Variants in WDR97 observed in about 807,000 individuals in gnomAD.
WDR97 encodes the protein WD repeat domain 97, also known as WD repeat-containing protein 97.
A neutral mutation model predicts 65.4 loss-of-function variants in WDR97; 111 were observed. The ratio of observed to expected loss-of-function variants is 1.70; its 90% CI spans 1.45 to 1.99. WDR97 has a LOEUF of 1.99. Among genes scored for constraint, WDR97 ranks in the 30% most tolerant of loss-of-function variants. WDR97 has a pLI of 0.00. For missense variants in WDR97, 1,674 were observed against 865.0 expected, an observed-to-expected ratio of 1.94 and a Z score of -11.73; for synonymous variants, 802 against 397.7, an observed-to-expected ratio of 2.02 and a Z score of -12.10.
At chr8:144,113,612 G>C (rs2130096906) in intron 16 of WDR97, 45 bp from the exon 17 acceptor site, 2 of 657,188 alleles carry the variant, frequency 3.0e-6, no homozygotes, top group East Asian at 2.7e-5. Context: ...GGAGGGCTCT[G>C]CTGTCCTTGC....
chr8:144,114,126 C>T lies in WDR97; in HGVS notation c.3558C>T (p.Thr1186=). The T allele has an allele frequency of 1.4e-6, 1 of 702,820 alleles. No homozygotes were observed. Among genetic ancestry groups the T allele is most frequent in the Non-Finnish European group, 2.6e-6 (1 of 384,980 alleles). 43.5% of individuals were successfully genotyped at this position (702,820 alleles called of 1,614,324 possible). A position where few individuals can be genotyped will look rare whatever the true frequency, so the allele number is the denominator to read the frequency against. Residue 1186 remains threonine, a synonymous_variant, in exon 18 of 24, where the codon ACC becomes ACT. Coordinates refer to ENST00000323662, the MANE Select transcript of WDR97 (RefSeq NM_001316309.2). ...TTCTGCATTTCTTCATCTACCAGAC[C>T]TGGTTCAAAAAGTTGTTCCCCATCT... The part of the protein sequence containing the change: ...PKFLHFFIYQ[T]WFKKLFPIFS...
Position 144,114,929 on chromosome 8 carries a change from C to CG in WDR97, c.4077+25dup, listed in dbSNP as rs1193523952. The CG allele has an allele frequency of 4.2e-5, 28 of 672,864 alleles. No individual in the cohort carries two copies. The highest frequency in any genetic ancestry group is 1.6e-4 in the Admixed American group (7 of 42,826). The allele number at this position is 672,864 out of a possible 1,614,324, so 41.7% of individuals were successfully genotyped here. On this transcript the variant is annotated intron_variant, in intron 21 of 23. Coordinates refer to ENST00000323662, the MANE Select transcript of WDR97 (RefSeq NM_001316309.2). Reference sequence around the variant, plus strand: ...AGCTTCAGGTTGGGCCGGCAGGGGCCGGGGGGGCCTTGGGAACCCTGTTGC... The same window carrying CG: ...AGCTTCAGGTTGGGCCGGCAGGGGCCGGGGGGGGCCTTGGGAACCCTGTTGC...
chr8:144,107,920 G>C, intron 1 of WDR97, 58 bp downstream of exon 1: 1 of 702,600 alleles, frequency 1.4e-6, no homozygotes, highest in South Asian at 1.5e-5. Context: ...TCTCATTCGG[G>C]CTTGGGTTCC....
At chr8:144,113,093 C>T in intron 15 of WDR97, 2 of 424,078 alleles carry the variant, frequency 4.7e-6, no homozygotes, top group East Asian at 4.5e-5. Context: ...CTCCTTCCTT[C>T]CTCCCTGGCC....
At position 144,115,991 on chromosome 8, in the gene WDR97, G is replaced by T. The variant is rs540257992; in HGVS notation, c.4644G>T (p.Ala1548=). Residue 1548 remains alanine (A), a synonymous_variant, in exon 23 of 24, where the codon GCG becomes GCT. Coordinates refer to ENST00000323662, the MANE Select transcript of WDR97 (RefSeq NM_001316309.2). ...RLQEAKPQRS[A]RSAMRLRGPM... is the part of the protein sequence containing the mutation. Reference sequence around the variant, plus strand: ...AGGAGGCCAAGCCGCAGAGGTCCGCGAGGTCCGCGATGAGACTGAGGGGTG... The same window carrying T: ...AGGAGGCCAAGCCGCAGAGGTCCGCTAGGTCCGCGATGAGACTGAGGGGTG... 1.4e-6 allele frequency: 1 copy of T among 700,598 alleles called. No homozygotes were observed. Among genetic ancestry groups the T allele is most frequent in the South Asian group, 1.5e-5 (1 of 67,536 alleles). The allele number at this position is 700,598 out of a possible 1,614,324, so 43.4% of individuals were successfully genotyped here. A position where few individuals can be genotyped will look rare whatever the true frequency, so the allele number is the denominator to read the frequency against.
intron 21 of WDR97, among the ~76,000 whole-genome samples, 199 bp from the exon 22 acceptor site, chr8:144,115,142 G>C (rs896887504): frequency 6.6e-6 from 1 of 152,226 alleles, no homozygotes; most frequent in Admixed American, 6.5e-5. Flanking sequence ...TCCTTGTCAG[G>C]GGAGTGGCAG....
Position 144,111,705 on chromosome 8 carries a change from A to G in WDR97, c.2561A>G (p.Gln854Arg). 1 of 698,590 alleles carries G rather than the reference A, an allele frequency of 1.4e-6. No homozygotes were observed. The highest frequency in any genetic ancestry group is 2.6e-6 in the Non-Finnish European group (1 of 382,318). The allele number at this position is 698,590 out of a possible 1,614,324, so 43.3% of individuals were successfully genotyped here. The part of the protein sequence containing the change: ...LRLGLVVPAA[Q>R]PPPSWQQRQE... ...CTGGGGCTAGTGGTCCCAGCAGCCC[A>G]GCCCCCACCCTCCTGGCAGCAGCGC... The change falls in exon 12 of 24, where the codon CAG (glutamine) becomes CGG (arginine). Residue 854 changes from glutamine to arginine, a missense_variant. Coordinates refer to ENST00000323662, the MANE Select transcript of WDR97 (RefSeq NM_001316309.2).
Position 144,116,485 on chromosome 8 carries a change from C to T in WDR97, c.*192C>T. 2 of 498,538 alleles carry T rather than the reference C, an allele frequency of 4.0e-6. No homozygotes were observed. Among genetic ancestry groups the T allele is most frequent in the Non-Finnish European group, 7.0e-6 (2 of 284,766 alleles). 30.9% of individuals were successfully genotyped at this position (498,538 alleles called of 1,614,324 possible). A position where few individuals can be genotyped will look rare whatever the true frequency, so the allele number is the denominator to read the frequency against. ...GGCGGCGGAAGGCAGGAGCCGGAGGCCTGGCGGAGGTGGCCATCGTGGGCA... is the reference window on the plus strand; with the variant it reads ...GGCGGCGGAAGGCAGGAGCCGGAGGTCTGGCGGAGGTGGCCATCGTGGGCA... On this transcript the variant is annotated 3_prime_UTR_variant, in exon 24 of 24. Transcript: ENST00000323662.
rs573165302 is a variant in WDR97, at chr8:144,111,207, G to A, written c.2411G>A (p.Gly804Glu). The A allele has an allele frequency of 1.1e-5, 8 of 702,694 alleles. No homozygotes were observed. Among genetic ancestry groups the A allele is most frequent in the Non-Finnish European group, 2.6e-6 (1 of 384,998 alleles). 43.5% of individuals were successfully genotyped at this position (702,694 alleles called of 1,614,324 possible). The change falls in exon 10 of 24, where the codon GGG becomes GAG. Residue 804 changes from glycine (G) to glutamate (E), a missense_variant. Gly to Glu is a moderately conservative substitution (Grantham distance 98). Transcript: ENST00000323662. ...AQLQRLTNLH[G>E]AASLSEALSL... ...CTGCAGAGGCTCACCAACCTCCATGGGGCAGCCAGCCTCAGGTCCCATGCA... is the reference window on the plus strand; with the variant it reads ...CTGCAGAGGCTCACCAACCTCCATGAGGCAGCCAGCCTCAGGTCCCATGCA...
At chr8:144,111,595 C>G (rs371659560) in intron 11 of WDR97, 37 bp from the exon 12 acceptor site, 1 of 678,376 alleles carries the variant, frequency 1.5e-6, no homozygotes, top group Non-Finnish European at 2.7e-6. Context: ...TAGCAAGGCT[C>G]AAGGAAGAGC....
At position 144,110,970 on chromosome 8, in the gene WDR97, T is replaced by C. The variant is rs1300364830; in HGVS notation, c.2278T>C (p.Tyr760His). The change falls in exon 9 of 24, where the codon TAC (tyrosine) becomes CAC (histidine). Residue 760 changes from tyrosine to histidine, a missense_variant. Physicochemically the swap from Tyr to His is moderately conservative, Grantham distance 83. Transcript: ENST00000323662. ...CCTCTGCCTGGTGTCCCACAGGCTC[T>C]ACCTGCCTACATCCTACCTAGTTAA... ...SRLCLVSHRL[Y>H]LPTSYLVKKM... 2.8e-6 allele frequency: 2 copies of C among 702,786 alleles called. No homozygotes were observed. Among genetic ancestry groups the C allele is most frequent in the Non-Finnish European group, 5.2e-6 (2 of 384,972 alleles). 43.5% of individuals were successfully genotyped at this position (702,786 alleles called of 1,614,324 possible).
rs1213240719 is a variant in WDR97, at chr8:144,109,723, G to A, written c.1389G>A (p.Gly463=). The change falls in exon 5 of 24, where the codon GGG becomes GGA. Residue 463 remains glycine (G), a synonymous_variant. Transcript: ENST00000323662. ...TCTACCTCCTGTCGGCGGCCACCGGGCGCATAGTGAGCTCACTGCTGCTGG... is the reference window on the plus strand; with the variant it reads ...TCTACCTCCTGTCGGCGGCCACCGGACGCATAGTGAGCTCACTGCTGCTGG... ...GSVYLLSAAT[G]RIVSSLLLEP... is the part of the protein sequence containing the mutation. 1 of 681,120 alleles carries A rather than the reference G, an allele frequency of 1.5e-6. No individual in the cohort carries two copies. The highest frequency in any genetic ancestry group is 2.1e-5 in the Admixed American group (1 of 48,074). 42.2% of individuals were successfully genotyped at this position (681,120 alleles called of 1,614,324 possible).
intron 15 of WDR97, 26 bp downstream of exon 15, chr8:144,112,556 G>A: frequency 1.4e-6 from 1 of 702,556 alleles, no homozygotes; most frequent in Non-Finnish European, 2.6e-6. Context: ...AGCTCCTGGA[G>A]AGCCACTCCT....
In WDR97 at chr8:144,114,803, C is replaced by T. The variant is rs1439254582; in HGVS notation, c.3969C>T (p.Phe1323=). 2.8e-6 allele frequency: 2 copies of T among 702,596 alleles called. No homozygotes were observed. Among genetic ancestry groups the T allele is most frequent in the African/African-American group, 3.5e-5 (2 of 57,284 alleles). 43.5% of individuals were successfully genotyped at this position (702,596 alleles called of 1,614,324 possible). A position where few individuals can be genotyped will look rare whatever the true frequency, so the allele number is the denominator to read the frequency against. The change falls in exon 21 of 24, where the codon TTC becomes TTT. Residue 1323 remains phenylalanine, a synonymous_variant. Transcript: ENST00000323662. ...HGLGLQDPEG[F]LFKEMMTWVQ... is the part of the protein sequence containing the mutation. ...TGGGCCTTCAGGACCCAGAGGGCTTCCTATTCAAGGAGATGATGACCTGGG... is the reference window on the plus strand; with the variant it reads ...TGGGCCTTCAGGACCCAGAGGGCTTTCTATTCAAGGAGATGATGACCTGGG...
Position 144,108,103 on chromosome 8 carries a change from A to G in WDR97, c.157A>G (p.Ser53Gly). Reference sequence around the variant, plus strand: ...GTCGCAGGTCCTGCCCTTTTTGACCAGCAGCCAACAGTGGCAAAGCCTGAC... The same window carrying G: ...GTCGCAGGTCCTGCCCTTTTTGACCGGCAGCCAACAGTGGCAAAGCCTGAC... ...EPSQVLPFLT[S>G]SQQWQSLTPR... The change falls in exon 2 of 24, where the codon AGC becomes GGC. Residue 53 changes from serine (S) to glycine (G), a missense_variant. By Grantham distance (56) the Ser-to-Gly change is moderately conservative (BLOSUM62 0). Coordinates refer to ENST00000323662, the MANE Select transcript of WDR97 (RefSeq NM_001316309.2). The G allele has an allele frequency of 1.4e-6, 1 of 702,770 alleles. No individual in the cohort carries two copies. The highest frequency in any genetic ancestry group is 2.6e-6 in the Non-Finnish European group (1 of 384,994). 43.5% of individuals were successfully genotyped at this position (702,770 alleles called of 1,614,324 possible). A position where few individuals can be genotyped will look rare whatever the true frequency, so the allele number is the denominator to read the frequency against.
chr8:144,117,309 AC>A lies in WDR97; in HGVS notation c.*1017del, dbSNP rs1379982816. On this transcript the variant is annotated 3_prime_UTR_variant, in exon 24 of 24. Transcript: ENST00000323662. ...CTCCCACTGCAGAAGGCCAAGGTTC[AC>A]AGGTGTGCGATGAGACTGAGGACTG... is the stretch of plus-strand genomic sequence containing the variant. 1 of 152,310 alleles carries A rather than the reference AC, an allele frequency of 6.6e-6. No individual in the cohort carries two copies. Among genetic ancestry groups the A allele is most frequent in the Non-Finnish European group, 1.5e-5 (1 of 68,108 alleles). 9.4% of individuals were successfully genotyped at this position (152,310 alleles called of 1,614,324 possible). A position where few individuals can be genotyped will look rare whatever the true frequency, so the allele number is the denominator to read the frequency against.
In WDR97 at chr8:144,113,763, G is replaced by C. The variant is rs1395268212; in HGVS notation, c.3290G>C (p.Gly1097Ala). Residue 1097 changes from glycine to alanine, a missense_variant, in exon 17 of 24, where the codon GGG (glycine) becomes GCG (alanine). Gly to Ala is a moderately conservative substitution (Grantham distance 60, BLOSUM62 0). Coordinates refer to ENST00000323662, the MANE Select transcript of WDR97 (RefSeq NM_001316309.2). ...QWMGEKPGEEGEEDKKEEEEE... is the reference protein window; with the variant it reads ...QWMGEKPGEEAEEDKKEEEEE... ...ATGGGGGAGAAGCCTGGGGAGGAGG[G>C]GGAGGAAGACAAGAAGGAAGAGGAG... is the stretch of plus-strand genomic sequence containing the variant. The C allele has an allele frequency of 1.4e-6, 1 of 702,576 alleles. No homozygotes were observed. 43.5% of individuals were successfully genotyped at this position (702,576 alleles called of 1,614,324 possible). A position where few individuals can be genotyped will look rare whatever the true frequency, so the allele number is the denominator to read the frequency against.
rs777545760 is a variant in WDR97 at position 144,109,823 on chromosome 8, CA to C, written c.1490del (p.His497ProfsTer12). The C allele has an allele frequency of 8.8e-5, 60 of 685,566 alleles. No homozygotes were observed. The Middle Eastern group carries it at 1.7e-3, about 19-fold the overall frequency. 42.5% of individuals were successfully genotyped at this position (685,566 alleles called of 1,614,324 possible). On this transcript the variant is annotated frameshift_variant, in exon 5 of 24. Transcript: ENST00000323662. LOFTEE classifies it high-confidence loss of function. The stretch of plus-strand genomic sequence containing the variant: ...GCTGTGGCTGCTGACCAGGGCTGGG[CA>C]CCTGGTCCGCGCCAACGCGGCGCGC... The part of the protein sequence containing the change: ...EALWLLTRAG[H>X]LVRANAARCP...
In WDR97 at chr8:144,109,833, G is replaced by A; in HGVS notation, c.1499G>A (p.Arg500His). 1.4e-6 allele frequency: 1 copy of A among 690,426 alleles called. No homozygotes were observed. The allele number at this position is 690,426 out of a possible 1,614,324, so 42.8% of individuals were successfully genotyped here. ...WLLTRAGHLV[R>H]ANAARCPMSV... ...CTGACCAGGGCTGGGCACCTGGTCCGCGCCAACGCGGCGCGCTGCCCCATG... is the reference window on the plus strand; with the variant it reads ...CTGACCAGGGCTGGGCACCTGGTCCACGCCAACGCGGCGCGCTGCCCCATG... The change falls in exon 5 of 24, where the codon CGC (arginine) becomes CAC (histidine). Residue 500 changes from arginine (R) to histidine (H), a missense_variant. Physicochemically the swap from Arg to His is conservative, Grantham distance 29. Coordinates refer to ENST00000323662, the MANE Select transcript of WDR97 (RefSeq NM_001316309.2).
Sources: gnomAD v4.1 joint callset for allele counts (sites outside exome capture counted in the v4.1 genomes callset) on GRCh38, gnomAD v4.1.1 for gene constraint, MANE v1.5 for transcripts, NCBI Gene and HGNC (gene_info 2026-07-23, HGNC 2026-07-21) for gene names.